Variants in TLL1 observed in about 807,000 individuals in gnomAD.
TLL1 encodes the protein tolloid-like protein 1.
A neutral mutation model predicts 128.2 loss-of-function variants in TLL1; 49 were observed. That is an observed-to-expected ratio of 0.38 (90% CI 0.30 to 0.48). The LOEUF is 0.48. Ranked by LOEUF, TLL1 falls within the 20% of genes least tolerant of loss-of-function variation. The probability of loss-of-function intolerance (pLI) is 0.96; values close to 1 mark genes in which losing one functional copy is unlikely to be tolerated. For synonymous variants in TLL1, 454 were observed against 418.8 expected, an observed-to-expected ratio of 1.08 and a Z score of -1.03; for missense variants, 1,123 against 1,242.0, an observed-to-expected ratio of 0.90 and a Z score of 1.44.
rs570173924 is a variant in TLL1, at chr4:166,086,772, A to G, written c.2443-4356A>G. Among the ~76,000 whole-genome samples the G allele has an allele frequency of 6.6e-5, 10 of 152,248 alleles. No homozygotes were observed. The South Asian group carries it at 2.1e-3, about 32-fold the overall frequency. ...AGAAACACACAACCTTGCCTTCCCA[A>G]TTTAGACTACTGACCTCCACAGCTG... On this transcript the variant is annotated intron_variant, in intron 18 of 20. Coordinates refer to ENST00000061240, the MANE Select transcript of TLL1 (RefSeq NM_012464.5).
At chr4:165,910,292 G>A (rs1310973168) in intron 1 of TLL1, among the ~76,000 whole-genome samples, 1 of 152,160 alleles carries the variant, frequency 6.6e-6, no homozygotes, top group African/African-American at 2.4e-5. Flanking sequence ...TGAGCTTAGA[G>A]GGGGCAACAA....
chr4:166,039,227 AGCT>A, intron 9 of TLL1, 109 bp from the exon 10 acceptor site: 1 of 726,034 alleles, frequency 1.4e-6, no homozygotes, highest in South Asian at 1.6e-5. Context: ...AAAAACAATT[AGCT>A]GCACATGCAT....
chr4:165,922,821 A>C (rs1454178754), intron 1 of TLL1, among the ~76,000 whole-genome samples: 1 of 152,194 alleles, frequency 6.6e-6, no homozygotes, highest in Non-Finnish European at 1.5e-5. Context: ...ATTTTGGACT[A>C]TGATATTTAG....
At chr4:166,049,388 T>C (rs912287854) in intron 12 of TLL1, among the ~76,000 whole-genome samples, 3 of 152,318 alleles carry the variant, frequency 2.0e-5, no homozygotes, top group East Asian at 3.9e-4. Context: ...ATTTTTGTTG[T>C]TTAATCATTA....
Position 166,043,195 on chromosome 4 carries a change from C to T in TLL1, c.1379-79C>T, listed in dbSNP as rs113876411. 13 of 1,598,910 alleles carry T rather than the reference C, an allele frequency of 8.1e-6. No homozygotes were observed. The African/African-American group carries it at 1.1e-4, about 13-fold the overall frequency. On this transcript the variant is annotated intron_variant, in intron 11 of 20. Transcript: ENST00000061240. ...GTACTGAGCTACAGGAGCTGAACTT[C>T]AATGTTACCCTAGAAGAAAATGAAA...
rs1048136882 is a variant in TLL1 at position 166,078,159 on chromosome 4, C to T, written c.2442+129C>T. The T allele has an allele frequency of 2.8e-6, 4 of 1,406,514 alleles. No individual in the cohort carries two copies. In the Admixed American group the frequency reaches 7.7e-5, roughly 27 times the overall value. 87.1% of individuals were successfully genotyped at this position (1,406,514 alleles called of 1,614,324 possible). On this transcript the variant is annotated intron_variant, in intron 18 of 20. Transcript: ENST00000061240. ...TAGGCAGCTGGAAAAGATTTTTTGTCTCATGCTTTCCTACTTGCACTAAAA... is the reference window on the plus strand; with the variant it reads ...TAGGCAGCTGGAAAAGATTTTTTGTTTCATGCTTTCCTACTTGCACTAAAA...
At chr4:165,904,356 CTGTT>C (rs1474269562) in intron 1 of TLL1, among the ~76,000 whole-genome samples, 1 of 152,044 alleles carries the variant, frequency 6.6e-6, no homozygotes, top group East Asian at 1.9e-4. Context: ...GTTTCTGTCC[CTGTT>C]TGTTTGACTA....
chr4:166,080,328 A>G (rs1293376894), intron 18 of TLL1, among the ~76,000 whole-genome samples: 1 of 152,104 alleles, frequency 6.6e-6, no homozygotes. Flanking sequence ...ACCTCCCTAA[A>G]CATATCACAT....
chr4:166,010,467 TA>T (rs201698249), intron 7 of TLL1, among the ~76,000 whole-genome samples: 140 of 151,370 alleles, frequency 9.2e-4, no homozygotes, highest in East Asian at 2.5e-3. Flanking sequence ...TGCCCATGTC[TA>T]AATCAGGTTA....
At chr4:166,052,980 T>C (rs1739829389) in intron 12 of TLL1, among the ~76,000 whole-genome samples, 1 of 145,568 alleles carries the variant, frequency 6.9e-6, no homozygotes, top group African/African-American at 2.5e-5. Context: ...TATATATATA[T>C]ATTTGGCCAA....
chr4:165,951,412 G>C lies in TLL1; in HGVS notation c.170-37969G>C, dbSNP rs544242203. 2.0e-5 allele frequency among the ~76,000 whole-genome samples: 3 copies of C among 152,200 alleles called. No individual in the cohort carries two copies. The East Asian group carries it at 5.8e-4, about 29-fold the overall frequency. On this transcript the variant is annotated intron_variant, in intron 1 of 20. Coordinates refer to ENST00000061240, the MANE Select transcript of TLL1 (RefSeq NM_012464.5). Reference sequence around the variant, plus strand: ...CTCAGACTGCTGGCAGGAATGGAATGGAACCCCTAACAAAAAGTCTGTCTT... The same window carrying C: ...CTCAGACTGCTGGCAGGAATGGAATCGAACCCCTAACAAAAAGTCTGTCTT...
At chr4:166,076,690 G>A (rs1225845337) in intron 17 of TLL1, among the ~76,000 whole-genome samples, 3 of 152,106 alleles carry the variant, frequency 2.0e-5, no homozygotes, top group African/African-American at 7.2e-5. Flanking sequence ...ATTTCACATT[G>A]TGAGGCAGAG....
intron 1 of TLL1, among the ~76,000 whole-genome samples, chr4:165,931,588 G>A (rs1354213360): frequency 1.3e-5 from 2 of 151,858 alleles, no homozygotes; most frequent in Non-Finnish European, 2.9e-5. Context: ...GTGTGGTGGT[G>A]GGCACCTGTA....
intron 1 of TLL1, among the ~76,000 whole-genome samples, chr4:165,895,091 T>C (rs1477742971): frequency 6.6e-6 from 1 of 152,154 alleles, no homozygotes; most frequent in Non-Finnish European, 1.5e-5. Flanking sequence ...TGTTAAGGCC[T>C]GCTTGCATTC....
At chr4:165,879,120 A>T (rs1053097047) in intron 1 of TLL1, among the ~76,000 whole-genome samples, 2 of 151,244 alleles carry the variant, frequency 1.3e-5, no homozygotes, top group African/African-American at 4.9e-5. Context: ...ATTTAATTTA[A>T]TTTTTTTGTA....
At position 166,020,316 on chromosome 4, in the gene TLL1, T is replaced by C. The variant is rs187174939; in HGVS notation, c.1043-5000T>C. ...CTAATGCTACTTGCCTGTCTTACAA[T>C]CTTTTCTATTCCATGTACTGTGACA... On this transcript the variant is annotated intron_variant, in intron 8 of 20. Transcript: ENST00000061240. Among the ~76,000 whole-genome samples, 31 of 152,258 alleles carry C rather than the reference T, an allele frequency of 2.0e-4. No homozygotes were observed. In the East Asian group the frequency reaches 5.6e-3, roughly 28 times the overall value.
rs1732563163 is a variant in TLL1, at chr4:165,912,159, G to A, written c.169+38086G>A. 7.9e-5 allele frequency among the ~76,000 whole-genome samples: 12 copies of A among 152,228 alleles called. No homozygotes were observed. In the South Asian group the frequency reaches 2.5e-3, roughly 32 times the overall value. On this transcript the variant is annotated intron_variant, in intron 1 of 20. Transcript: ENST00000061240. ...CAAAGTAATGGTGTTCTTAAACATGGTGTTGTCCCTGGAGCCAGAAAATAA... is the reference window on the plus strand; with the variant it reads ...CAAAGTAATGGTGTTCTTAAACATGATGTTGTCCCTGGAGCCAGAAAATAA...
intron 1 of TLL1, among the ~76,000 whole-genome samples, chr4:165,932,513 C>T (rs2110908348): frequency 6.6e-6 from 1 of 151,932 alleles, no homozygotes; most frequent in African/African-American, 2.4e-5. Flanking sequence ...ACTGGGAATG[C>T]CTATCAGCAT....
chr4:166,055,669 A>G (rs569806649), intron 13 of TLL1, among the ~76,000 whole-genome samples: 1 of 152,270 alleles, frequency 6.6e-6, no homozygotes, highest in African/African-American at 2.4e-5. Context: ...ATTCCCCCAC[A>G]TTGAAAATAA....
Sources: gnomAD v4.1 joint callset for allele counts (sites outside exome capture counted in the v4.1 genomes callset) on GRCh38, gnomAD v4.1.1 for gene constraint, MANE v1.5 for transcripts, NCBI Gene and HGNC (gene_info 2026-07-23, HGNC 2026-07-21) for gene names.